The following ADCY2 variants were observed in gnomAD, a reference collection of about 807,000 sequenced individuals.
The protein encoded by ADCY2 is adenylate cyclase type 2.
In ADCY2, 31 loss-of-function variants were observed where a neutral mutation model predicts 125.2. That is an observed-to-expected ratio of 0.25 (90% CI 0.19 to 0.33). The LOEUF is 0.33. ADCY2 is among the 10% of genes least tolerant of loss of function. ADCY2 has a pLI of 1.00. For synonymous variants in ADCY2, 512 were observed against 548.4 expected (o/e 0.93, Z 0.93); for missense variants, 904 against 1,418.2 (o/e 0.64, Z 5.82).
intron 24 of ADCY2, 198 bp from the exon 25 acceptor site, chr5:7,826,521 C>G (rs563838493): frequency 1.4e-4 from 100 of 701,856 alleles, no homozygotes; most frequent in Middle Eastern, 3.3e-4. Context: ...TTTTCACTAT[C>G]CCAGCGCTGA....
intron 4 of ADCY2, among the ~76,000 whole-genome samples, chr5:7,630,810 G>T (rs894942475): frequency 7.6e-6 from 1 of 131,086 alleles, no homozygotes; most frequent in South Asian, 2.4e-4. Context: ...TTTTTGAGAT[G>T]CAGTCTGGCT....
At chr5:7,486,409 G>A (rs556112454) in intron 2 of ADCY2, among the ~76,000 whole-genome samples, 6 of 152,242 alleles carry the variant, frequency 3.9e-5, no homozygotes, top group African/African-American at 1.2e-4. Context: ...CTTTCTGTGC[G>A]AATTTCTCCA....
At chr5:7,810,099 A>G (rs538876480) in intron 22 of ADCY2, among the ~76,000 whole-genome samples, 1 of 152,188 alleles carries the variant, frequency 6.6e-6, no homozygotes, top group South Asian at 2.1e-4. Context: ...GTTTCTTTCC[A>G]TGGACTTTAG....
Position 7,471,358 on chromosome 5 carries a change from T to C in ADCY2, c.409-49380T>C, listed in dbSNP as rs1026171130. On this transcript the variant is annotated intron_variant, in intron 2 of 24. Coordinates refer to ENST00000338316, the MANE Select transcript of ADCY2 (RefSeq NM_020546.3). ...GTCCTGTCTGCCTGTTTCTTGATTA[T>C]TTTTAATGATTTAAAAAAATCTCCC... Among the ~76,000 whole-genome samples, 18 of 151,416 alleles carry C rather than the reference T, an allele frequency of 1.2e-4. No homozygotes were observed. In the East Asian group the frequency reaches 3.5e-3, roughly 29 times the overall value.
At position 7,717,304 on chromosome 5, in the gene ADCY2, G is replaced by T. The variant is rs905715178; in HGVS notation, c.1703+67G>T. 3 of 1,165,032 alleles carry T rather than the reference G, an allele frequency of 2.6e-6. No individual in the cohort carries two copies. The Admixed American group carries it at 5.9e-5, about 23-fold the overall frequency. The allele number at this position is 1,165,032 out of a possible 1,614,324, so 72.2% of individuals were successfully genotyped here. On this transcript the variant is annotated intron_variant, in intron 12 of 24. Transcript: ENST00000338316. The stretch of plus-strand genomic sequence containing the variant: ...ATGTTCCAGTTGTATTTTATCATGG[G>T]CTCTGCAATAGTTACCATGACAAAG...
intron 2 of ADCY2, among the ~76,000 whole-genome samples, chr5:7,464,621 G>A (rs938716092): frequency 2.0e-5 from 3 of 152,136 alleles, no homozygotes; most frequent in African/African-American, 7.2e-5. Flanking sequence ...ATGGACCAGA[G>A]CTGGGGTGGG....
chr5:7,460,841 G>A (rs1741891373), intron 2 of ADCY2, among the ~76,000 whole-genome samples: 1 of 152,194 alleles, frequency 6.6e-6, no homozygotes, highest in Non-Finnish European at 1.5e-5. Context: ...ACGTGGTGAT[G>A]GGAGTGGCCT....
intron 3 of ADCY2, among the ~76,000 whole-genome samples, chr5:7,602,376 A>G (rs1249838909): frequency 6.6e-6 from 1 of 152,064 alleles, no homozygotes; most frequent in African/African-American, 2.4e-5. Flanking sequence ...TTCTATTTCT[A>G]TGGCTCTTTC....
chr5:7,805,161 CA>C (rs35073546), intron 22 of ADCY2, among the ~76,000 whole-genome samples: 1,807 of 141,252 alleles, frequency 0.013, 9 homozygotes, highest in Admixed American at 0.021. Context: ...ACCAAAAATA[CA>C]AAAAAAAAAA....
intron 3 of ADCY2, among the ~76,000 whole-genome samples, chr5:7,537,785 C>T (rs996199428): frequency 1.3e-5 from 2 of 152,228 alleles, no homozygotes; most frequent in African/African-American, 4.8e-5. Flanking sequence ...GGCCCTGCAG[C>T]CTCCACAGCC....
At chr5:7,540,549 C>T (rs182686377) in intron 3 of ADCY2, among the ~76,000 whole-genome samples, 8 of 152,220 alleles carry the variant, frequency 5.3e-5, no homozygotes, top group African/African-American at 1.7e-4. Context: ...TTACATTTTT[C>T]GACACTGTTG....
intron 14 of ADCY2, among the ~76,000 whole-genome samples, chr5:7,727,940 A>C (rs1741979817): frequency 6.6e-6 from 1 of 152,122 alleles, no homozygotes; most frequent in Non-Finnish European, 1.5e-5. Flanking sequence ...AAGACCAATC[A>C]GGTGACTTTC....
Position 7,396,630 on chromosome 5 carries a change from G to A in ADCY2, c.210+124G>A, listed in dbSNP as rs1739054528. 4 of 471,206 alleles carry A rather than the reference G, an allele frequency of 8.5e-6. No homozygotes were observed. Among genetic ancestry groups the A allele is most frequent in the Non-Finnish European group, 1.3e-5 (4 of 318,466 alleles). The allele number at this position is 471,206 out of a possible 1,614,324, so 29.2% of individuals were successfully genotyped here. A position where few individuals can be genotyped will look rare whatever the true frequency, so the allele number is the denominator to read the frequency against. Reference sequence around the variant, plus strand: ...CGCGGCAGCCCCTCGGCCCGCGGCAGCCCCTCGGCCCGCGGCTCCCTGCTT... The same window carrying A: ...CGCGGCAGCCCCTCGGCCCGCGGCAACCCCTCGGCCCGCGGCTCCCTGCTT... On this transcript the variant is annotated intron_variant, in intron 1 of 24. Coordinates refer to ENST00000338316, the MANE Select transcript of ADCY2 (RefSeq NM_020546.3). This position sits in a 1 kb window ranked among gnomAD's most constrained non-coding sequence, Gnocchi z 5.7.
At chr5:7,404,239 T>C (rs1739384215) in intron 1 of ADCY2, among the ~76,000 whole-genome samples, 1 of 152,222 alleles carries the variant, frequency 6.6e-6, no homozygotes, top group Admixed American at 6.5e-5. Context: ...TGTTTTTATA[T>C]GCCTTCATGT....
intron 22 of ADCY2, among the ~76,000 whole-genome samples, chr5:7,808,148 G>A (rs1372380241): frequency 1.3e-5 from 2 of 152,150 alleles, no homozygotes. Context: ...GCCCCAACCT[G>A]GGGAGCTTTG....
intron 4 of ADCY2, among the ~76,000 whole-genome samples, chr5:7,654,703 C>A (rs1181008073): frequency 1.3e-5 from 2 of 152,196 alleles, no homozygotes; most frequent in Non-Finnish European, 2.9e-5. Context: ...ACCTTCCTTG[C>A]CCTCCACCCA....
chr5:7,588,248 CAA>C (rs1290031461), intron 3 of ADCY2, among the ~76,000 whole-genome samples: 1 of 151,958 alleles, frequency 6.6e-6, no homozygotes, highest in East Asian at 1.9e-4. Flanking sequence ...AAAACATGTA[CAA>C]GGAAACTAAA....
At chr5:7,627,304 AACAATGGAG>A (rs1321168457) in intron 4 of ADCY2, among the ~76,000 whole-genome samples, 1 of 152,198 alleles carries the variant, frequency 6.6e-6, no homozygotes, top group African/African-American at 2.4e-5. Flanking sequence ...ACAGAAAACA[AACAATGGAG>A]ACAATAGGAG....
chr5:7,623,699 C>T (rs1027168433), intron 3 of ADCY2, among the ~76,000 whole-genome samples: 5 of 152,200 alleles, frequency 3.3e-5, no homozygotes, highest in Admixed American at 2.0e-4. Flanking sequence ...AAGACTGCCA[C>T]ATTGCTCTGA....
Sources: gnomAD v4.1 joint callset for allele counts (sites outside exome capture counted in the v4.1 genomes callset) on GRCh38, gnomAD v4.1.1 for gene constraint, Gnocchi (gnomAD v3.1) non-coding constraint, MANE v1.5 for transcripts, NCBI Gene and HGNC (gene_info 2026-07-23, HGNC 2026-07-21) for gene names.